Variants in ABCA4 observed in about 807,000 individuals in gnomAD.
ABCA4 encodes ATP binding cassette subfamily A member 4, also known as retinal-specific phospholipid-transporting ATPase ABCA4.
In ABCA4, 196 loss-of-function variants were observed where a neutral mutation model predicts 263.7. The observed-to-expected ratio is 0.74, with a 90% CI of 0.66 to 0.84. ABCA4 has a LOEUF of 0.84. ABCA4 is among the 40% of genes least tolerant of loss of function. The probability of loss-of-function intolerance (pLI) is 0.00; values close to 1 mark genes in which losing one functional copy is unlikely to be tolerated. For synonymous variants in ABCA4, 1,133 were observed against 1,094.2 expected (o/e 1.04, Z -0.70); for missense variants, 2,792 against 2,855.1 (o/e 0.98, Z 0.50).
chr1:94,069,493 G>A lies in ABCA4; in HGVS notation c.1555-6176C>T, dbSNP rs146034294. Among the ~76,000 whole-genome samples the A allele has an allele frequency of 1.2e-3, 176 of 152,268 alleles. 2 individuals carry two copies. The Middle Eastern group carries it at 0.031, about 26-fold the overall frequency. On this transcript the variant is annotated intron_variant, in intron 11 of 49. Transcript: ENST00000370225. ...TTAGAGATGTTGGCTGTATAATCCC[G>A]CCTCTCACATCTGTAACTCCTAAAC... is the stretch of plus-strand genomic sequence containing the variant.
At chr1:94,012,875 G>T (rs190934217) in intron 38 of ABCA4, among the ~76,000 whole-genome samples, 1 of 152,206 alleles carries the variant, frequency 6.6e-6, no homozygotes, top group Non-Finnish European at 1.5e-5. Context: ...CACCCGGCAC[G>T]TGGTGTTCAG....
chr1:94,111,638 G>A, intron 2 of ABCA4, 59 bp from the exon 3 acceptor site: 2 of 1,605,910 alleles, frequency 1.2e-6, no homozygotes, highest in South Asian at 1.1e-5. Flanking sequence ...GCAGGATGCA[G>A]ACCTAGGAGT....
chr1:94,073,325 G>A (rs897099508), intron 11 of ABCA4, among the ~76,000 whole-genome samples: 1 of 152,086 alleles, frequency 6.6e-6, no homozygotes, highest in Admixed American at 6.5e-5. Context: ...CTGGGCTTCT[G>A]CTCCCATCAT....
chr1:94,052,144 A>G (rs1660856263), intron 16 of ABCA4, among the ~76,000 whole-genome samples: 1 of 152,140 alleles, frequency 6.6e-6, no homozygotes, highest in Admixed American at 6.5e-5. Context: ...TTCTTGTGAG[A>G]AAGGAAACAG....
chr1:94,099,762 G>A, intron 5 of ABCA4, among the ~76,000 whole-genome samples: 1 of 152,188 alleles, frequency 6.6e-6, no homozygotes, highest in East Asian at 1.9e-4. Flanking sequence ...ATTATTTGTT[G>A]TTTATCTGAA....
Position 94,094,841 on chromosome 1 carries a change from C to T in ABCA4, c.768+3953G>A, listed in dbSNP as rs1200204028. Among the ~76,000 whole-genome samples, 4 of 152,168 alleles carry T rather than the reference C, an allele frequency of 2.6e-5. No homozygotes were observed. The East Asian group carries it at 5.8e-4, about 22-fold the overall frequency. On this transcript the variant is annotated intron_variant, in intron 6 of 49. Transcript: ENST00000370225. The stretch of plus-strand genomic sequence containing the variant: ...GATGGGAAGCGTCCCAACCTCTCAC[C>T]CGAAACTGACACACCATTTTTATGA...
intron 3 of ABCA4, among the ~76,000 whole-genome samples, chr1:94,111,126 G>A (rs1662588374): frequency 6.6e-6 from 1 of 152,238 alleles, no homozygotes; most frequent in South Asian, 2.1e-4. Context: ...CTCCACCCAA[G>A]CAGGTCAATG....
In ABCA4 at chr1:94,051,687, T is replaced by TTCCA; in HGVS notation, c.2595_2598dup (p.Thr867TrpfsTer19). 1.2e-6 allele frequency: 2 copies of TTCCA among 1,613,680 alleles called. No individual in the cohort carries two copies. Among genetic ancestry groups the TTCCA allele is most frequent in the Non-Finnish European group, 1.7e-6 (2 of 1,179,590 alleles). Reference sequence around the variant, plus strand: ...AGAAGAAAGTACCAAGGAAGTGGGGTTCCATAGTCTCCTAAAAATAGAGAC... The same window carrying TTCCA: ...AGAAGAAAGTACCAAGGAAGTGGGGTTCCATCCATAGTCTCCTAAAAATAGAGAC... On this transcript the variant is annotated frameshift_variant, in exon 17 of 50. Transcript: ENST00000370225. LOFTEE classifies it high-confidence loss of function.
At chr1:94,016,349 G>C (rs993134755) in intron 36 of ABCA4, among the ~76,000 whole-genome samples, 2 of 152,182 alleles carry the variant, frequency 1.3e-5, no homozygotes, top group Non-Finnish European at 2.9e-5. Flanking sequence ...AACCAGAGAC[G>C]GGCTTCCTCA....
intron 19 of ABCA4, among the ~76,000 whole-genome samples, chr1:94,046,280 T>TAAAAAAAAAA (rs11289565): frequency 7.8e-5 from 6 of 77,094 alleles, no homozygotes; most frequent in African/African-American, 2.8e-4. Flanking sequence ...CTGTCTGTAC[T>TAAAAAAAAAA]AAAAAAAAAA....
chr1:94,061,823 T>C (rs186716957), intron 13 of ABCA4, among the ~76,000 whole-genome samples: 13 of 152,344 alleles, frequency 8.5e-5, no homozygotes, highest in Non-Finnish European at 1.8e-4. Flanking sequence ...GGAAAACCCA[T>C]TGGACAGTTA....
chr1:94,019,584 T>C lies in ABCA4; in HGVS notation c.5194A>G (p.Ile1732Val). ...TYWVTNFLWD[I>V]MNYSVSAGLV... is the part of the protein sequence containing the mutation. ...AGGCGCTGTAAACTGACACTTACGA[T>C]GTCCCAGAGGAAGTTGGTCACCCAG... The change falls in exon 36 of 50, where the codon ATC becomes GTC. Residue 1732 changes from isoleucine (I) to valine (V), a missense_variant and splice_region_variant. Transcript: ENST00000370225. The C allele has an allele frequency of 3.1e-6, 5 of 1,603,612 alleles. No individual in the cohort carries two copies. In the Admixed American group the frequency reaches 5.1e-5, roughly 16 times the overall value.
Position 94,019,665 on chromosome 1 carries a change from G to A in ABCA4, c.5113C>T (p.Arg1705Trp), listed in dbSNP as rs771038310. The A allele has an allele frequency of 9.9e-6, 16 of 1,613,386 alleles. No individual in the cohort carries two copies. The highest frequency in any genetic ancestry group is 1.1e-5 in the Non-Finnish European group (13 of 1,179,704). ...TGGAGGTGCTTGGATTTGTTCACCC[G>A]CTCCTGGATCAAATAAAGGACAAAG... ...ASFVLYLIQE[R>W]VNKSKHLQFI... The change falls in exon 36 of 50, where the codon CGG (arginine) becomes TGG (tryptophan). Residue 1705 changes from arginine (R) to tryptophan (W), a missense_variant. Arg to Trp is a moderately radical substitution (Grantham distance 101, BLOSUM62 -3). Coordinates refer to ENST00000370225, the MANE Select transcript of ABCA4 (RefSeq NM_000350.3).
At chr1:94,091,615 AC>A (rs1661970237) in intron 6 of ABCA4, among the ~76,000 whole-genome samples, 1 of 127,198 alleles carries the variant, frequency 7.9e-6, no homozygotes, top group African/African-American at 2.6e-5. Flanking sequence ...ACACACACAC[AC>A]ACACACACAC....
intron 32 of ABCA4, among the ~76,000 whole-genome samples, chr1:94,022,350 T>G (rs1659926981): frequency 6.6e-6 from 1 of 152,216 alleles, no homozygotes; most frequent in Non-Finnish European, 1.5e-5. Flanking sequence ...TCGAGCCAAC[T>G]CCAGGTCCTC....
intron 11 of ABCA4, among the ~76,000 whole-genome samples, chr1:94,072,369 C>T (rs1353124290): frequency 6.6e-6 from 1 of 152,182 alleles, no homozygotes; most frequent in Non-Finnish European, 1.5e-5. Flanking sequence ...CTGAATTCAG[C>T]TTCCTATATC....
chr1:94,103,509 G>A (rs1454803135), intron 4 of ABCA4, among the ~76,000 whole-genome samples: 1 of 152,168 alleles, frequency 6.6e-6, no homozygotes, highest in Non-Finnish European at 1.5e-5. Context: ...ACATTTCTGG[G>A]TGTCACAACT....
At chr1:94,101,423 C>A (rs1662285209) in intron 5 of ABCA4, among the ~76,000 whole-genome samples, 1 of 152,240 alleles carries the variant, frequency 6.6e-6, no homozygotes, top group Admixed American at 6.5e-5. Flanking sequence ...GCTCACCCTG[C>A]CTCCAGGCTG....
intron 3 of ABCA4, among the ~76,000 whole-genome samples, chr1:94,109,090 A>G (rs1039744877): frequency 6.6e-6 from 1 of 152,242 alleles, no homozygotes; most frequent in African/African-American, 2.4e-5. Flanking sequence ...CTATATTTAA[A>G]GATACTATGT....
Sources: allele counts gnomAD v4.1 joint callset (sites outside exome capture counted in the v4.1 genomes callset), GRCh38; gene constraint gnomAD v4.1.1; transcripts MANE v1.5; gene names NCBI Gene and HGNC (gene_info 2026-07-23, HGNC 2026-07-21).